The following CRADD variants were observed in gnomAD, a reference collection of about 807,000 sequenced individuals.
The protein encoded by CRADD is CARD and death domain containing adaptor protein.
In CRADD, 9 loss-of-function variants were observed where a neutral mutation model predicts 15.5. That is an observed-to-expected ratio of 0.58 (90% CI 0.35 to 1.01). The LOEUF is 1.01. CRADD is among the 50% of genes least tolerant of loss of function. The probability of loss-of-function intolerance (pLI) is 0.02; values close to 1 mark genes in which losing one functional copy is unlikely to be tolerated. For synonymous variants in CRADD, 118 were observed against 107.6 expected (o/e 1.10, Z -0.60); for missense variants, 227 against 250.3 (o/e 0.91, Z 0.63).
chr12:93,812,175 A>G (rs368547831), intron 2 of CRADD, among the ~76,000 whole-genome samples: 49 of 152,332 alleles, frequency 3.2e-4, no homozygotes, highest in East Asian at 1.9e-3. Context: ...AAACTCTTCT[A>G]TAGTATCTAG....
At chr12:93,762,317 A>G (rs1956976206) in intron 2 of CRADD, among the ~76,000 whole-genome samples, 2 of 152,262 alleles carry the variant, frequency 1.3e-5, no homozygotes, top group African/African-American at 4.8e-5. Context: ...TAAGGAATTC[A>G]GAAGGCTGCT....
chr12:93,867,404 T>TATATATATATATATA (rs1491540248), intron 2 of CRADD, among the ~76,000 whole-genome samples: 27 of 127,308 alleles, frequency 2.1e-4, no homozygotes, highest in Non-Finnish European at 3.0e-4. Context: ...TATATATATA[T>TATATATATATATATA]TTTTTAAACT....
At chr12:93,775,876 A>G (rs12818667) in intron 2 of CRADD, among the ~76,000 whole-genome samples, 54,566 of 151,640 alleles carry the variant, frequency 0.36, 10,974 homozygotes, top group East Asian at 0.61. Flanking sequence ...GTTTCAGAGG[A>G]CTCTAGGACG....
intron 2 of CRADD, among the ~76,000 whole-genome samples, chr12:93,814,332 G>A (rs1265333989): frequency 2.0e-5 from 3 of 152,226 alleles, no homozygotes; most frequent in East Asian, 1.9e-4. Flanking sequence ...CGGGGGAGGT[G>A]GAGAGGAGCC....
At chr12:93,769,888 G>A (rs1957065230) in intron 2 of CRADD, among the ~76,000 whole-genome samples, 1 of 152,250 alleles carries the variant, frequency 6.6e-6, no homozygotes, top group East Asian at 1.9e-4. Context: ...TATTCTAGAT[G>A]TAAGTTCCTT....
intron 2 of CRADD, among the ~76,000 whole-genome samples, chr12:93,834,291 A>T (rs1462847436): frequency 6.6e-6 from 1 of 152,186 alleles, no homozygotes; most frequent in Non-Finnish European, 1.5e-5. Context: ...TGCCATGATA[A>T]ATAAGGTCAT....
chr12:93,878,323 G>A (rs1958471741), intron 2 of CRADD, among the ~76,000 whole-genome samples: 1 of 152,160 alleles, frequency 6.6e-6, no homozygotes, highest in African/African-American at 2.4e-5. Flanking sequence ...ACCCTGATTA[G>A]TGTCCTTTCC....
chr12:93,837,035 A>G (rs1288086569), intron 2 of CRADD, among the ~76,000 whole-genome samples: 2 of 152,162 alleles, frequency 1.3e-5, no homozygotes, highest in Non-Finnish European at 2.9e-5. Context: ...TATTTGGTGA[A>G]GGGGTCAGTG....
chr12:93,685,418 A>G (rs1423475802), intron 2 of CRADD, among the ~76,000 whole-genome samples: 4 of 152,222 alleles, frequency 2.6e-5, no homozygotes, highest in Non-Finnish European at 2.9e-5. Flanking sequence ...TCAAAATGCT[A>G]GAAGAGAGGA....
chr12:93,790,322 G>T (rs952258066), intron 2 of CRADD, among the ~76,000 whole-genome samples: 2 of 152,070 alleles, frequency 1.3e-5, no homozygotes, highest in Non-Finnish European at 2.9e-5. Context: ...TAGGTGGGGG[G>T]AGGGGGAAGG....
intron 2 of CRADD, among the ~76,000 whole-genome samples, chr12:93,713,427 A>G (rs1448808149): frequency 6.6e-6 from 1 of 152,104 alleles, no homozygotes; most frequent in South Asian, 2.1e-4. Flanking sequence ...TCCGAGGGGT[A>G]TTGGTTCCAG....
intron 2 of CRADD, among the ~76,000 whole-genome samples, chr12:93,681,347 A>G (rs1295903337): frequency 1.3e-5 from 2 of 152,248 alleles, no homozygotes; most frequent in Admixed American, 1.3e-4. Flanking sequence ...ATATCTGTGT[A>G]GAAGTTTAGA....
intron 2 of CRADD, among the ~76,000 whole-genome samples, chr12:93,705,339 T>C (rs1955923061): frequency 6.6e-6 from 1 of 152,254 alleles, no homozygotes. Context: ...AATTTCTGTG[T>C]ACTACAGGTT....
chr12:93,868,038 G>A (rs1254036663), intron 2 of CRADD, among the ~76,000 whole-genome samples: 1 of 152,164 alleles, frequency 6.6e-6, no homozygotes, highest in Non-Finnish European at 1.5e-5. Flanking sequence ...TTAAAATTAT[G>A]AAGAAATAGG....
intron 2 of CRADD, among the ~76,000 whole-genome samples, chr12:93,745,788 A>G (rs2136933634): frequency 6.6e-6 from 1 of 152,330 alleles, no homozygotes; most frequent in South Asian, 2.1e-4. Context: ...TTGTGTAATT[A>G]ACCAAGTGGA....
intron 2 of CRADD, among the ~76,000 whole-genome samples, chr12:93,690,032 A>G (rs1955530928): frequency 6.6e-6 from 1 of 152,222 alleles, no homozygotes; most frequent in African/African-American, 2.4e-5. Flanking sequence ...TCTCTGAAAT[A>G]TATTGGGTAG....
chr12:93,782,098 A>G (rs7971492), intron 2 of CRADD, among the ~76,000 whole-genome samples: 88,951 of 151,482 alleles, frequency 0.59, 27,400 homozygotes, highest in East Asian at 0.89. Flanking sequence ...CAACCCAAAT[A>G]TCCAACAATG....
chr12:93,806,012 G>A (rs1022834533), intron 2 of CRADD, among the ~76,000 whole-genome samples: 3 of 152,142 alleles, frequency 2.0e-5, no homozygotes, highest in African/African-American at 4.8e-5. Context: ...GTCTTTAGAC[G>A]TTGGCAGTGG....
At chr12:93,822,962 CATG>C (rs1184912796) in intron 2 of CRADD, among the ~76,000 whole-genome samples, 1 of 152,120 alleles carries the variant, frequency 6.6e-6, no homozygotes, top group Admixed American at 6.5e-5. Context: ...GACTAATGAA[CATG>C]ATGATTTATG....
Sources: allele counts gnomAD v4.1 joint callset (sites outside exome capture counted in the v4.1 genomes callset), GRCh38; gene constraint gnomAD v4.1.1; transcripts MANE v1.5; gene names NCBI Gene and HGNC (gene_info 2026-07-23, HGNC 2026-07-21).